Variants in OPRD1 observed in about 807,000 individuals in gnomAD.
OPRD1 encodes delta-type opioid receptor.
In OPRD1, 19 loss-of-function variants were observed where a neutral mutation model predicts 17.5. That is an observed-to-expected ratio of 1.09 (90% confidence interval 0.76 to 1.60). The LOEUF is 1.60. OPRD1 is among the 40% of genes most tolerant of loss of function. The pLI is 0.00. For synonymous variants in OPRD1, 256 were observed against 240.9 expected (o/e 1.06, Z -0.58); for missense variants, 483 against 547.2 (o/e 0.88, Z 1.17).
chr1:28,815,400 C>T (rs1392538856), intron 1 of OPRD1, among the ~76,000 whole-genome samples: 5 of 152,186 alleles, frequency 3.3e-5, no homozygotes, highest in Non-Finnish European at 7.3e-5. Context: ...CCATGGTGCC[C>T]GGCTGTGTCC....
At chr1:28,838,329 C>G (rs2088870051) in intron 1 of OPRD1, among the ~76,000 whole-genome samples, 1 of 152,198 alleles carries the variant, frequency 6.6e-6, no homozygotes, top group Non-Finnish European at 1.5e-5. Context: ...TGAACCTCAC[C>G]TGAGACTTAG....
chr1:28,815,557 CGA>C (rs2088666165), intron 1 of OPRD1, among the ~76,000 whole-genome samples: 1 of 152,216 alleles, frequency 6.6e-6, no homozygotes, highest in African/African-American at 2.4e-5. Context: ...GAACAGTGAA[CGA>C]GAGTCTGAGG....
At chr1:28,846,862 C>CT (rs775472408) in intron 1 of OPRD1, among the ~76,000 whole-genome samples, 34 of 59,514 alleles carry the variant, frequency 5.7e-4, no homozygotes, top group African/African-American at 1.2e-3. Flanking sequence ...TTCTTTCTTT[C>CT]TTTCTTTCTT....
At chr1:28,861,982 G>A (rs1047603607) in intron 2 of OPRD1, among the ~76,000 whole-genome samples, 1 of 151,016 alleles carries the variant, frequency 6.6e-6, no homozygotes, top group African/African-American at 2.4e-5. Flanking sequence ...CACGATCTCG[G>A]CTCACTGCAA....
intron 1 of OPRD1, among the ~76,000 whole-genome samples, chr1:28,812,820 G>A (rs1008982835): frequency 6.6e-6 from 1 of 152,218 alleles, no homozygotes; most frequent in South Asian, 2.1e-4. Flanking sequence ...GTGGTGCGGG[G>A]GGGGGAGTGC....
intron 1 of OPRD1, among the ~76,000 whole-genome samples, chr1:28,857,173 C>T (rs750630861): frequency 4.6e-5 from 7 of 152,142 alleles, no homozygotes; most frequent in Admixed American, 6.5e-5. Flanking sequence ...AAAAGAACAG[C>T]GATTGTGTCC....
At chr1:28,856,934 G>A (rs1223637907) in intron 1 of OPRD1, among the ~76,000 whole-genome samples, 1 of 152,148 alleles carries the variant, frequency 6.6e-6, no homozygotes, top group Admixed American at 6.5e-5. Context: ...AGAGAGGTGA[G>A]TCCAGTTGCA....
At position 28,845,296 on chromosome 1, in the gene OPRD1, A is replaced by G. The variant is rs1053866008; in HGVS notation, c.228-13658A>G. On this transcript the variant is annotated intron_variant, in intron 1 of 2. Coordinates refer to ENST00000234961, the MANE Select transcript of OPRD1 (RefSeq NM_000911.4). ...GTCAGGAGTTCAAGACTAGCCTGGTAAACATAGTGAAACCCTGTCTCTACT... is the reference window on the plus strand; with the variant it reads ...GTCAGGAGTTCAAGACTAGCCTGGTGAACATAGTGAAACCCTGTCTCTACT... Among the ~76,000 whole-genome samples, 50 of 151,912 alleles carry G rather than the reference A, an allele frequency of 3.3e-4. 1 individual carries two copies. Among genetic ancestry groups the G allele is most frequent in the African/African-American group, 1.1e-3 (45 of 41,446 alleles).
chr1:28,843,769 T>C (rs2088916654), intron 1 of OPRD1, among the ~76,000 whole-genome samples: 1 of 151,980 alleles, frequency 6.6e-6, no homozygotes, highest in African/African-American at 2.4e-5. Flanking sequence ...CAAACGTGCA[T>C]CACCACGCCC....
chr1:28,859,131 C>A lies in OPRD1; in HGVS notation c.405C>A (p.Ser135Arg). 2 of 1,614,222 alleles carry A rather than the reference C, an allele frequency of 1.2e-6. No homozygotes were observed. Among genetic ancestry groups the A allele is most frequent in the Non-Finnish European group, 1.7e-6 (2 of 1,180,038 alleles). Reference sequence around the variant, plus strand: ...TCGACTACTACAATATGTTCACCAGCATCTTCACGCTCACCATGATGAGTG... The same window carrying A: ...TCGACTACTACAATATGTTCACCAGAATCTTCACGCTCACCATGATGAGTG... ...LSIDYYNMFT[S>R]IFTLTMMSVD... is the part of the protein sequence containing the mutation. The change falls in exon 2 of 3, where the codon AGC (serine) becomes AGA (arginine). Residue 135 changes from serine to arginine, a missense_variant. Physicochemically the swap from Ser to Arg is moderately radical, Grantham distance 110. Coordinates refer to ENST00000234961, the MANE Select transcript of OPRD1 (RefSeq NM_000911.4).
intron 1 of OPRD1, among the ~76,000 whole-genome samples, chr1:28,816,732 T>C (rs2088673854): frequency 6.6e-6 from 1 of 152,072 alleles, no homozygotes; most frequent in African/African-American, 2.4e-5. Context: ...GTGCTGGCCA[T>C]GGGGATGCCC....
In OPRD1 at chr1:28,866,304, A is replaced by G. The variant is rs2089175374; in HGVS notation, c.*3021A>G. ...TTTGTCGCAGTTCTGTAAGAGGTGG[A>G]AAAGGGTCGGGGACCCTGAAGGATG... On this transcript the variant is annotated 3_prime_UTR_variant, in exon 3 of 3. Coordinates refer to ENST00000234961, the MANE Select transcript of OPRD1 (RefSeq NM_000911.4). The G allele has an allele frequency of 6.6e-6, 1 of 152,254 alleles. No individual in the cohort carries two copies. The allele number at this position is 152,254 out of a possible 1,614,324, so 9.4% of individuals were successfully genotyped here.
At chr1:28,857,674 T>A (rs1031270510) in intron 1 of OPRD1, among the ~76,000 whole-genome samples, 2 of 152,100 alleles carry the variant, frequency 1.3e-5, no homozygotes, top group South Asian at 4.1e-4. Flanking sequence ...TTTGTAGATA[T>A]GGGGTTTCAC....
At chr1:28,847,053 C>G (rs1325871738) in intron 1 of OPRD1, among the ~76,000 whole-genome samples, 1 of 146,252 alleles carries the variant, frequency 6.8e-6, no homozygotes, top group African/African-American at 2.5e-5. Context: ...TTCCCCTTTC[C>G]TGTCCCCTTT....
intron 1 of OPRD1, among the ~76,000 whole-genome samples, chr1:28,844,905 C>T (rs1026795515): frequency 3.3e-5 from 5 of 151,936 alleles, no homozygotes; most frequent in African/African-American, 7.2e-5. Flanking sequence ...CTACCACTCT[C>T]GGCTAATTTT....
At chr1:28,816,506 A>G (rs535056135) in intron 1 of OPRD1, among the ~76,000 whole-genome samples, 31 of 151,954 alleles carry the variant, frequency 2.0e-4, no homozygotes, top group African/African-American at 7.0e-4. Context: ...CAGGCCCCAC[A>G]CTCTGTCCTC....
chr1:28,835,703 G>A (rs1225233507), intron 1 of OPRD1, among the ~76,000 whole-genome samples: 1 of 152,232 alleles, frequency 6.6e-6, no homozygotes. Flanking sequence ...TGTGATCACT[G>A]TGGTAGATGT....
At chr1:28,851,677 G>A (rs480258) in intron 1 of OPRD1, among the ~76,000 whole-genome samples, 71,329 of 150,958 alleles carry the variant, frequency 0.47, 18,468 homozygotes, top group East Asian at 0.87. Context: ...TTCGAGACCA[G>A]CCTGACCAAC....
chr1:28,853,745 T>C (rs1005831815), intron 1 of OPRD1, among the ~76,000 whole-genome samples: 1 of 151,842 alleles, frequency 6.6e-6, no homozygotes, highest in African/African-American at 2.4e-5. Context: ...AATTTTCTTT[T>C]TTTTTTCTTT....
Sources: gnomAD v4.1 joint callset for allele counts (sites outside exome capture counted in the v4.1 genomes callset) on GRCh38, gnomAD v4.1.1 for gene constraint, MANE v1.5 for transcripts, NCBI Gene and HGNC (gene_info 2026-07-23, HGNC 2026-07-21) for gene names.